The following TEX9 variants were observed in gnomAD, a reference collection of about 807,000 sequenced individuals.
TEX9 encodes testis-expressed protein 9.
Under a neutral mutation model 59.6 loss-of-function variants are expected in TEX9, and 74 were observed. The ratio of observed to expected loss-of-function variants is 1.24; its 90% CI spans 1.03 to 1.51. TEX9 has a LOEUF of 1.51. TEX9 is among the 40% of genes most tolerant of loss of function. The pLI is 0.00. For synonymous variants in TEX9, 186 were observed against 152.2 expected, an observed-to-expected ratio of 1.22 and a Z score of -1.64; for missense variants, 522 against 447.8, an observed-to-expected ratio of 1.17 and a Z score of -1.49.
intron 1 of TEX9, among the ~76,000 whole-genome samples, chr15:56,327,625 C>G (rs1420610060): frequency 6.6e-6 from 1 of 152,180 alleles, no homozygotes; most frequent in Non-Finnish European, 1.5e-5. Flanking sequence ...TCTCGAACTG[C>G]CAACACCACT....
intron 1 of TEX9, among the ~76,000 whole-genome samples, chr15:56,246,025 G>T (rs1202587649): frequency 1.3e-5 from 2 of 152,148 alleles, no homozygotes; most frequent in African/African-American, 2.4e-5. Flanking sequence ...CATCGAGGGG[G>T]TAACGTATCT....
At chr15:56,453,992 A>G in the TEX9 span, among the ~76,000 whole-genome samples, 2 of 152,336 alleles carry the variant, frequency 1.3e-5, no homozygotes, top group Middle Eastern at 3.4e-3. Context: ...AGACATGCCA[A>G]TTTGAAATAC....
chr15:56,444,302 C>G, intron 12 of TEX9: 1 of 650,238 alleles, frequency 1.5e-6, no homozygotes, highest in Non-Finnish European at 2.6e-6. Flanking sequence ...GAGTTGGTCC[C>G]AATTTATGTT....
intron 12 of TEX9, chr15:56,443,773 T>C (rs1313098876): frequency 1.2e-6 from 2 of 1,613,210 alleles, no homozygotes; most frequent in South Asian, 2.2e-5. Context: ...GTTTCTTTTT[T>C]CTCCAGAGAG....
At chr15:56,441,035 C>T (rs1087836) in intron 12 of TEX9, among the ~76,000 whole-genome samples, 13,420 of 152,114 alleles carry the variant, frequency 0.088, 1,338 homozygotes, top group East Asian at 0.46. Context: ...TATAAACTTT[C>T]CTCTAAGCAC....
At chr15:56,299,044 C>T (rs182781634) in intron 1 of TEX9, among the ~76,000 whole-genome samples, 1 of 152,320 alleles carries the variant, frequency 6.6e-6, no homozygotes, top group East Asian at 1.9e-4. Context: ...CCCAATAAAG[C>T]ACCTTCATAA....
At chr15:56,437,634 A>G (rs1181902644) in intron 12 of TEX9, among the ~76,000 whole-genome samples, 6 of 152,138 alleles carry the variant, frequency 3.9e-5, no homozygotes, top group African/African-American at 1.4e-4. Flanking sequence ...GGCAGGAGAA[A>G]GAAAGAAAGG....
chr15:56,352,808 C>T (rs1275575956), intron 1 of TEX9, among the ~76,000 whole-genome samples: 2 of 152,118 alleles, frequency 1.3e-5, no homozygotes, highest in African/African-American at 4.8e-5. Context: ...ATTTTAGTGA[C>T]TCCCACCAAA....
At chr15:56,444,714 G>T in intron 12 of TEX9, 1 of 1,483,646 alleles carries the variant, frequency 6.7e-7, no homozygotes, top group South Asian at 1.2e-5. Context: ...TTTCAAATTT[G>T]AACATAGTAC....
intron 10 of TEX9, among the ~76,000 whole-genome samples, chr15:56,423,376 G>T (rs2050077551): frequency 6.6e-6 from 1 of 152,032 alleles, no homozygotes; most frequent in South Asian, 2.1e-4. Flanking sequence ...ACATATTTGT[G>T]GATTTTCCAG....
chr15:56,378,802 A>G (rs376187054), intron 3 of TEX9, among the ~76,000 whole-genome samples: 3 of 152,002 alleles, frequency 2.0e-5, no homozygotes, highest in African/African-American at 7.2e-5. Flanking sequence ...GTGGTGGCTG[A>G]TAGCTGTAAT....
At chr15:56,321,273 T>C (rs1377723977) in intron 1 of TEX9, among the ~76,000 whole-genome samples, 1 of 152,150 alleles carries the variant, frequency 6.6e-6, no homozygotes. Context: ...AACTTAGATG[T>C]GGCAAACCAA....
intron 1 of TEX9, among the ~76,000 whole-genome samples, chr15:56,282,363 G>A (rs1021252581): frequency 2.0e-5 from 3 of 152,040 alleles, no homozygotes; most frequent in Non-Finnish European, 2.9e-5. Context: ...ATGGTAAAGC[G>A]TACTTGTTTC....
intron 1 of TEX9, among the ~76,000 whole-genome samples, chr15:56,329,876 G>C (rs1219019423): frequency 2.0e-5 from 3 of 152,066 alleles, no homozygotes; most frequent in Non-Finnish European, 4.4e-5. Flanking sequence ...TACTATCAGG[G>C]AACTTCTTAA....
chr15:56,299,726 G>A (rs2045296894), intron 1 of TEX9, among the ~76,000 whole-genome samples: 1 of 152,158 alleles, frequency 6.6e-6, no homozygotes, highest in South Asian at 2.1e-4. Flanking sequence ...ACTGGGTAGA[G>A]TCATAAGGCC....
In TEX9 at chr15:56,429,103, A is replaced by G. The variant is rs765477774; in HGVS notation, c.*29+630A>G. The stretch of plus-strand genomic sequence containing the variant: ...TGCTTTACCCAATTTTGATGATATC[A>G]TTTCTCTTCACAAATTTCACTCCTT... On this transcript the variant is annotated intron_variant, in intron 12 of 12. Transcript: ENST00000352903. The G allele has an allele frequency of 6.3e-6, 10 of 1,580,570 alleles. No individual in the cohort carries two copies. In the South Asian group the frequency reaches 1.0e-4, roughly 16 times the overall value.
chr15:56,264,955 G>A (rs779649015), intron 1 of TEX9, among the ~76,000 whole-genome samples: 14 of 152,258 alleles, frequency 9.2e-5, no homozygotes, highest in Non-Finnish European at 1.5e-4. Context: ...TTCCACTGTT[G>A]TTTATGTCTG....
In TEX9 at chr15:56,311,299, C is replaced by A. The variant is rs1328316741; in HGVS notation, c.-106-62142C>A. 4.5e-3 allele frequency among the ~76,000 whole-genome samples: 523 copies of A among 115,486 alleles called. 4 individuals carry two copies. The highest frequency in any genetic ancestry group is 6.7e-3 in the Non-Finnish European group (375 of 55,982). The allele number at this position is 115,486 out of a possible 152,430, so 75.8% of individuals were successfully genotyped here. ...CCAATGCTATCCCTCCCCCCTCCCC[C>A]CACCCCACAACAGTCCCCAGAGTGT... On this transcript the variant is annotated intron_variant, in intron 1 of 5. Transcript: ENST00000560827.
At chr15:56,318,831 G>T (rs2718920) in intron 1 of TEX9, among the ~76,000 whole-genome samples, 4,638 of 151,922 alleles carry the variant, frequency 0.031, 179 homozygotes, top group East Asian at 0.096. Context: ...CCTCCTTTGT[G>T]CTATTATTGT....
Sources: allele counts gnomAD v4.1 joint callset (sites outside exome capture counted in the v4.1 genomes callset), GRCh38; gene constraint gnomAD v4.1.1; transcripts MANE v1.5; gene names NCBI Gene and HGNC (gene_info 2026-07-23, HGNC 2026-07-21).